The following RASA1 variants were observed in gnomAD, a reference collection of about 807,000 sequenced individuals.
RASA1 encodes ras GTPase-activating protein 1.
A neutral mutation model predicts 132.2 loss-of-function variants in RASA1; 25 were observed. The observed-to-expected ratio is 0.19, with a 90% CI of 0.14 to 0.26. The LOEUF is 0.26. Ranked by LOEUF, RASA1 falls within the 10% of genes least tolerant of loss-of-function variation. RASA1 has a pLI of 1.00. For synonymous variants in RASA1, 477 were observed against 449.9 expected, an observed-to-expected ratio of 1.06 and a Z score of -0.76; for missense variants, 964 against 1,299.2, an observed-to-expected ratio of 0.74 and a Z score of 3.97.
At chr5:87,385,415 TG>T in intron 22 of RASA1, 26 bp downstream of exon 22, 1 of 1,510,072 alleles carries the variant, frequency 6.6e-7, no homozygotes, top group African/African-American at 1.4e-5. Flanking sequence ...TACTTTAAAA[TG>T]TAATTTATGA....
chr5:87,385,899 A>G (rs964583102), intron 22 of RASA1, among the ~76,000 whole-genome samples: 2 of 152,004 alleles, frequency 1.3e-5, no homozygotes, highest in African/African-American at 4.8e-5. Flanking sequence ...GGATATTTAG[A>G]TGGCTTCCAT....
In RASA1 at chr5:87,389,262, C is replaced by T. The variant is rs545352763; in HGVS notation, c.2926-131C>T. On this transcript the variant is annotated intron_variant, in intron 23 of 24. Transcript: ENST00000274376. ...AGGAGAATCGCTTGAACCCGGGAGGCGGAGGTTGCAGTGAGCCGAGATCAT... is the reference window on the plus strand; with the variant it reads ...AGGAGAATCGCTTGAACCCGGGAGGTGGAGGTTGCAGTGAGCCGAGATCAT... 187 of 1,155,266 alleles carry T rather than the reference C, an allele frequency of 1.6e-4. 1 individual carries two copies. In the African/African-American group the frequency reaches 2.3e-3, roughly 14 times the overall value. The allele number at this position is 1,155,266 out of a possible 1,614,324, so 71.6% of individuals were successfully genotyped here.
rs2112222798 is a variant in RASA1 at position 87,268,761 on chromosome 5, G to A, written c.310G>A (p.Gly104Ser). Residue 104 changes from glycine to serine, a missense_variant, in exon 1 of 25, where the codon GGT becomes AGT. Around this residue, in one of 6 missense-constraint regions of RASA1, gnomAD observed 326 missense variants for 275.8 expected, o/e 1.18. Coordinates refer to ENST00000274376, the MANE Select transcript of RASA1 (RefSeq NM_002890.3). ...AGCTGGTGCTGCTGCTGGCGTGGCC[G>A]GTGCTGCTGTTGCTGGACCTAGTGG... The part of the protein sequence containing the change: ...GVAGAAAGVA[G>S]AAVAGPSGDM... The A allele has an allele frequency of 6.2e-7, 1 of 1,613,678 alleles. No individual in the cohort carries two copies. Among genetic ancestry groups the A allele is most frequent in the Non-Finnish European group, 8.5e-7 (1 of 1,179,872 alleles).
At chr5:87,342,530 A>G (rs1217322453) in intron 6 of RASA1, among the ~76,000 whole-genome samples, 1 of 152,156 alleles carries the variant, frequency 6.6e-6, no homozygotes, top group Non-Finnish European at 1.5e-5. Flanking sequence ...CGGGTCAAGT[A>G]TATATATTCC....
At chr5:87,270,408 C>T (rs913474615) in intron 1 of RASA1, among the ~76,000 whole-genome samples, 2 of 148,050 alleles carry the variant, frequency 1.4e-5, no homozygotes, top group South Asian at 4.3e-4. Flanking sequence ...AGTGCAGTGG[C>T]GTGATCTCGG....
At chr5:87,348,325 C>T (rs1759010226) in intron 7 of RASA1, among the ~76,000 whole-genome samples, 1 of 151,910 alleles carries the variant, frequency 6.6e-6, no homozygotes, top group Non-Finnish European at 1.5e-5. Flanking sequence ...ATAATCTAAG[C>T]ATTCATTGTG....
chr5:87,375,077 A>G (rs554306289), intron 15 of RASA1, among the ~76,000 whole-genome samples, 161 bp downstream of exon 15: 3 of 152,300 alleles, frequency 2.0e-5, no homozygotes, highest in South Asian at 4.1e-4. Flanking sequence ...GATTATCAAG[A>G]AAGAATATAC....
At chr5:87,367,147 A>G (rs936485502) in intron 11 of RASA1, among the ~76,000 whole-genome samples, 2 of 152,236 alleles carry the variant, frequency 1.3e-5, no homozygotes, top group African/African-American at 2.4e-5. Context: ...TTAGTGAGAA[A>G]GACTGAATGC....
At chr5:87,310,465 T>C (rs918805878) in intron 1 of RASA1, among the ~76,000 whole-genome samples, 8 of 152,186 alleles carry the variant, frequency 5.3e-5, no homozygotes, top group Non-Finnish European at 1.2e-4. Context: ...AATCGAGTTA[T>C]CTTACTTGAA....
At chr5:87,314,837 G>A (rs1161775463) in intron 1 of RASA1, among the ~76,000 whole-genome samples, 2 of 152,176 alleles carry the variant, frequency 1.3e-5, no homozygotes, top group African/African-American at 4.8e-5. Flanking sequence ...TAAGGTTGAT[G>A]GGAGAGTTAG....
chr5:87,389,347 A>ATTTT (rs1561333312), intron 23 of RASA1, 46 bp from the exon 24 acceptor site: 1 of 1,611,542 alleles, frequency 6.2e-7, no homozygotes, highest in South Asian at 1.1e-5. Flanking sequence ...AAACAAAAAA[A>ATTTT]AAGAAGATTT....
intron 1 of RASA1, among the ~76,000 whole-genome samples, chr5:87,300,213 T>G (rs1169322066): frequency 1.3e-5 from 2 of 149,840 alleles, no homozygotes; most frequent in Admixed American, 1.3e-4. Flanking sequence ...CTACAAAAAA[T>G]AAAAATAAAA....
chr5:87,374,375 T>C (rs1038400708), intron 14 of RASA1, 55 bp downstream of exon 14: 2 of 1,519,474 alleles, frequency 1.3e-6, no homozygotes, highest in Non-Finnish European at 1.8e-6. Context: ...ATTGCATTTC[T>C]TTCTGTTTTT....
intron 12 of RASA1, among the ~76,000 whole-genome samples, chr5:87,370,834 T>C (rs1043834570): frequency 1.3e-5 from 2 of 152,146 alleles, no homozygotes; most frequent in Non-Finnish European, 2.9e-5. Context: ...ATGAGGAAGA[T>C]GCTCTTAAAA....
intron 1 of RASA1, among the ~76,000 whole-genome samples, chr5:87,309,803 A>C (rs938928631): frequency 3.3e-5 from 5 of 152,008 alleles, no homozygotes; most frequent in Non-Finnish European, 7.4e-5. Flanking sequence ...AAAATACTTT[A>C]ACTTGTTTAA....
chr5:87,368,635 A>G (rs903921985), intron 11 of RASA1, among the ~76,000 whole-genome samples: 2 of 152,196 alleles, frequency 1.3e-5, no homozygotes, highest in South Asian at 2.1e-4. Flanking sequence ...ACAGCCCTTC[A>G]GGGGTCTCAA....
chr5:87,341,347 G>C lies in RASA1; in HGVS notation c.1049+26G>C, dbSNP rs200593194. On this transcript the variant is annotated intron_variant, in intron 6 of 24. Coordinates refer to ENST00000274376, the MANE Select transcript of RASA1 (RefSeq NM_002890.3). Reference sequence around the variant, plus strand: ...GTGAGTTTGTGTTAATTATTAAAATGAAAAAAAAAATCTATATTGTAAATT... The same window carrying C: ...GTGAGTTTGTGTTAATTATTAAAATCAAAAAAAAAATCTATATTGTAAATT... The C allele has an allele frequency of 2.0e-5, 24 of 1,192,264 alleles. No individual in the cohort carries two copies. In the East Asian group the frequency reaches 6.6e-4, roughly 33 times the overall value. The allele number at this position is 1,192,264 out of a possible 1,614,324, so 73.9% of individuals were successfully genotyped here.
chr5:87,374,180 A>G lies in RASA1; in HGVS notation c.1794A>G (p.Leu598=). ...KRLRQVSSLV[L]HIEEAHKLPV... ...TTTTTTAGGTCAGCAGCCTTGTTTT[A>G]CATATTGAAGAAGCCCATAAACTCC... The change falls in exon 14 of 25, where the codon TTA becomes TTG. Residue 598 remains leucine, a synonymous_variant. Coordinates refer to ENST00000274376, the MANE Select transcript of RASA1 (RefSeq NM_002890.3). 5 of 1,538,998 alleles carry G rather than the reference A, an allele frequency of 3.2e-6. No homozygotes were observed. The highest frequency in any genetic ancestry group is 4.4e-6 in the Non-Finnish European group (5 of 1,139,072).
intron 1 of RASA1, chr5:87,330,962 G>T (rs1424888365): frequency 2.1e-6 from 3 of 1,435,500 alleles, no homozygotes; most frequent in Admixed American, 5.9e-5. Flanking sequence ...GTGAAGTCAT[G>T]GTTCCTCAGT....
Sources: allele counts gnomAD v4.1 joint callset (sites outside exome capture counted in the v4.1 genomes callset), GRCh38; gene constraint gnomAD v4.1.1; regional missense constraint gnomAD v4.1.1; transcripts MANE v1.5; gene names NCBI Gene and HGNC (gene_info 2026-07-23, HGNC 2026-07-21).